The following DENND5A variants were observed in gnomAD, a reference collection of about 807,000 sequenced individuals.
DENND5A encodes DENN domain containing 5A.
DENND5A carries 64 observed loss-of-function variants against 140.3 expected under a neutral mutation model. That is an observed-to-expected ratio of 0.46 (90% CI 0.37 to 0.56). The LOEUF is 0.56. Among genes scored for constraint, DENND5A ranks in the 20% least tolerant of loss-of-function variants. The pLI is 0.00. For missense variants in DENND5A, 1,292 were observed against 1,593.8 expected, an observed-to-expected ratio of 0.81 and a Z score of 3.22; for synonymous variants, 605 against 607.7, an observed-to-expected ratio of 1.00 and a Z score of 0.07.
intron 1 of DENND5A, among the ~76,000 whole-genome samples, chr11:9,219,070 A>T (rs1010566532): frequency 2.0e-5 from 3 of 152,118 alleles, no homozygotes; most frequent in Admixed American, 6.6e-5. Flanking sequence ...TAATAAAATT[A>T]GAGTCCATCC....
At chr11:9,160,571 A>C in intron 12 of DENND5A, 142 bp downstream of exon 12, 1 of 579,942 alleles carries the variant, frequency 1.7e-6, no homozygotes, top group Admixed American at 3.1e-5. Flanking sequence ...ACATTTATTT[A>C]ATTGTTTATT....
chr11:9,176,799 G>A (rs1341954889), intron 8 of DENND5A: 1 of 417,416 alleles, frequency 2.4e-6, no homozygotes, highest in Non-Finnish European at 4.8e-6. Flanking sequence ...CTTCTTTCTT[G>A]CTCATAGACC....
At chr11:9,203,394 C>A in intron 4 of DENND5A, 2 of 371,936 alleles carry the variant, frequency 5.4e-6, no homozygotes, top group Non-Finnish European at 9.9e-6. Context: ...CTACCCACCC[C>A]TCTTTTCACT....
At chr11:9,144,032 C>T (rs1407347887) in intron 19 of DENND5A, 65 bp downstream of exon 19, 5 of 1,535,614 alleles carry the variant, frequency 3.3e-6, no homozygotes, top group Non-Finnish European at 4.4e-6. Flanking sequence ...ATTATCAGGG[C>T]TCACAGAGAT....
At chr11:9,157,523 C>T (rs1590215754) in intron 12 of DENND5A, among the ~76,000 whole-genome samples, 1 of 152,268 alleles carries the variant, frequency 6.6e-6, no homozygotes, top group African/African-American at 2.4e-5. Flanking sequence ...CTGTTGTTCC[C>T]TTCTTTGTGT....
intron 4 of DENND5A, among the ~76,000 whole-genome samples, chr11:9,200,618 C>T (rs1350718189): frequency 6.6e-6 from 1 of 152,180 alleles, no homozygotes; most frequent in Non-Finnish European, 1.5e-5. Context: ...AGCTAATTAG[C>T]GGCTATCCAC....
In DENND5A at chr11:9,178,146, G is replaced by A. The variant is rs1390801052; in HGVS notation, c.1892C>T (p.Thr631Ile). Residue 631 changes from threonine to isoleucine, a missense_variant, in exon 8 of 23, where the codon ACT (threonine) becomes ATT (isoleucine). Transcript: ENST00000328194. ...LRTSMYQKCT[T>I]VDEAEKAIEL... ...GGAGGCCTTACCTGCTTCATCCACA[G>A]TGGTACACTTCTGGTACATGGATGT... 6.2e-7 allele frequency: 1 copy of A among 1,613,046 alleles called. No individual in the cohort carries two copies. The highest frequency in any genetic ancestry group is 2.2e-5 in the East Asian group (1 of 44,886).
chr11:9,262,268 T>G (rs1389553791), intron 1 of DENND5A, among the ~76,000 whole-genome samples: 1 of 152,190 alleles, frequency 6.6e-6, no homozygotes, highest in East Asian at 1.9e-4. Context: ...AAACTCATGC[T>G]CTCGCTAACA....
At chr11:9,147,008 C>A in intron 16 of DENND5A, 22 bp downstream of exon 16, 2 of 1,613,850 alleles carry the variant, frequency 1.2e-6, no homozygotes, top group Non-Finnish European at 1.7e-6. Flanking sequence ...AGAAGGCCAG[C>A]TGGGAGCACA....
intron 1 of DENND5A, among the ~76,000 whole-genome samples, chr11:9,261,820 T>G (rs1022331002): frequency 3.4e-5 from 5 of 148,284 alleles, no homozygotes; most frequent in South Asian, 2.2e-4. Context: ...TAGTTCAGAT[T>G]CCCCTACCAA....
intron 1 of DENND5A, among the ~76,000 whole-genome samples, chr11:9,239,650 C>T (rs1851152072): frequency 6.6e-6 from 1 of 151,552 alleles, no homozygotes; most frequent in East Asian, 1.9e-4. Flanking sequence ...TTTGTAGAGA[C>T]GAGGTCTTGC....
intron 1 of DENND5A, among the ~76,000 whole-genome samples, chr11:9,220,550 A>AAAT (rs548747906): frequency 3.8e-3 from 567 of 150,960 alleles, no homozygotes; most frequent in Non-Finnish European, 4.4e-3. Flanking sequence ...TCTGTCTCAA[A>AAAT]AATAATAATA....
intron 1 of DENND5A, among the ~76,000 whole-genome samples, chr11:9,223,904 T>C (rs373593558): frequency 2.3e-4 from 35 of 152,234 alleles, no homozygotes; most frequent in African/African-American, 7.5e-4. Flanking sequence ...AAAATAAACC[T>C]AGAACGGTCA....
chr11:9,194,030 G>GA (rs1279954469), intron 4 of DENND5A, among the ~76,000 whole-genome samples: 1 of 152,182 alleles, frequency 6.6e-6, no homozygotes, highest in Non-Finnish European at 1.5e-5. Flanking sequence ...TGAACAAAAA[G>GA]AAAGACAGTG....
At chr11:9,221,745 T>C (rs1850320844) in intron 1 of DENND5A, among the ~76,000 whole-genome samples, 1 of 97,842 alleles carries the variant, frequency 1.0e-5, no homozygotes, top group African/African-American at 3.7e-5. Flanking sequence ...ATTGAGAATT[T>C]TGTTGTTGTT....
intron 8 of DENND5A, among the ~76,000 whole-genome samples, chr11:9,177,350 T>C (rs1212537214): frequency 6.6e-6 from 1 of 151,094 alleles, no homozygotes; most frequent in South Asian, 2.1e-4. Flanking sequence ...AATGTGAATA[T>C]GAAAAGCTTC....
At chr11:9,235,767 T>C (rs1850974707) in intron 1 of DENND5A, among the ~76,000 whole-genome samples, 1 of 151,476 alleles carries the variant, frequency 6.6e-6, no homozygotes, top group Non-Finnish European at 1.5e-5. Context: ...ACATCCAGAA[T>C]AGGTAAATCC....
chr11:9,257,157 C>T (rs1851981488), intron 1 of DENND5A, among the ~76,000 whole-genome samples: 1 of 151,746 alleles, frequency 6.6e-6, no homozygotes, highest in African/African-American at 2.4e-5. Context: ...TTATAGGCAC[C>T]CACCACCACG....
intron 15 of DENND5A, among the ~76,000 whole-genome samples, chr11:9,149,769 G>C (rs572420023): frequency 6.6e-6 from 1 of 152,284 alleles, no homozygotes; most frequent in African/African-American, 2.4e-5. Flanking sequence ...CAAAGGAAAC[G>C]CCTTATGTCC....
Sources: allele counts gnomAD v4.1 joint callset (sites outside exome capture counted in the v4.1 genomes callset), GRCh38; gene constraint gnomAD v4.1.1; transcripts MANE v1.5; gene names NCBI Gene and HGNC (gene_info 2026-07-23, HGNC 2026-07-21).